CLASP2: variants seen among roughly 807,000 people sequenced by gnomAD.
CLASP2 encodes the protein CLIP-associating protein 2.
In CLASP2, 47 loss-of-function variants were observed where a neutral mutation model predicts 194.4. That is an observed-to-expected ratio of 0.24 (90% CI 0.19 to 0.31). The LOEUF (loss-of-function observed/expected upper bound fraction) is 0.31, where lower values mean the gene tolerates loss of function less well. CLASP2 is among the 10% of genes least tolerant of loss of function. The probability of loss-of-function intolerance (pLI) is 1.00; values close to 1 mark genes in which losing one functional copy is unlikely to be tolerated. For missense variants in CLASP2, 1,445 were observed against 1,823.6 expected (o/e 0.79, Z 3.78); for synonymous variants, 619 against 633.5 (o/e 0.98, Z 0.34).
chr3:33,604,317 T>TTTA, intron 16 of CLASP2, 108 bp from the exon 17 acceptor site: 1 of 776,412 alleles, frequency 1.3e-6, no homozygotes, highest in Non-Finnish European at 2.1e-6. Flanking sequence ...GTATTTCTTT[T>TTTA]TTCTTTTTTT....
chr3:33,645,344 C>T, intron 7 of CLASP2: 2 of 764,982 alleles, frequency 2.6e-6, no homozygotes, highest in Non-Finnish European at 4.8e-6. Context: ...TTTCCCTCAC[C>T]CTAGGAGGCT....
At chr3:33,524,981 A>C (rs2054123876) in intron 34 of CLASP2, among the ~76,000 whole-genome samples, 1 of 152,224 alleles carries the variant, frequency 6.6e-6, no homozygotes, top group Non-Finnish European at 1.5e-5. Context: ...CAACAGACAT[A>C]TATGGTGCAC....
chr3:33,580,894 T>C (rs2065917048), intron 23 of CLASP2, among the ~76,000 whole-genome samples: 1 of 150,598 alleles, frequency 6.6e-6, no homozygotes, highest in African/African-American at 2.4e-5. Context: ...CAGGCGCCTG[T>C]AGTCCCAGCT....
intron 32 of CLASP2, among the ~76,000 whole-genome samples, chr3:33,542,731 T>G (rs915484739): frequency 7.3e-5 from 11 of 151,706 alleles, no homozygotes; most frequent in African/African-American, 2.7e-4. Context: ...GTTATTTATA[T>G]GTTTTGTTTG....
intron 34 of CLASP2, among the ~76,000 whole-genome samples, chr3:33,526,056 G>T (rs934852904): frequency 9.2e-5 from 14 of 152,150 alleles, no homozygotes; most frequent in Non-Finnish European, 1.8e-4. Context: ...CCAAAGCGTG[G>T]GCAGGCTGCT....
At chr3:33,510,810 T>G in intron 36 of CLASP2, 46 bp from the exon 37 acceptor site, 5 of 1,459,754 alleles carry the variant, frequency 3.4e-6, no homozygotes, top group Non-Finnish European at 4.7e-6. Flanking sequence ...TTTAAAATAT[T>G]ACACTACATC....
chr3:33,676,065 C>T (rs2088554388), intron 6 of CLASP2, among the ~76,000 whole-genome samples: 1 of 152,170 alleles, frequency 6.6e-6, no homozygotes, highest in East Asian at 1.9e-4. Flanking sequence ...ACTTTCTTCA[C>T]AGACTTGGAA....
At chr3:33,659,991 CA>C (rs2085010961) in intron 7 of CLASP2, among the ~76,000 whole-genome samples, 7 of 152,158 alleles carry the variant, frequency 4.6e-5, no homozygotes, top group Admixed American at 4.6e-4. Flanking sequence ...CCTCCAAGAA[CA>C]ATTCTTTTCC....
chr3:33,547,277 T>C (rs183541590), intron 30 of CLASP2, among the ~76,000 whole-genome samples: 3 of 152,302 alleles, frequency 2.0e-5, no homozygotes, highest in African/African-American at 7.2e-5. Flanking sequence ...GATCTGATGA[T>C]TTGATAAGGG....
chr3:33,717,400 G>A (rs1489546050), intron 1 of CLASP2, among the ~76,000 whole-genome samples: 1 of 151,972 alleles, frequency 6.6e-6, no homozygotes, highest in Non-Finnish European at 1.5e-5. Context: ...TGGGGACGCG[G>A]GACCCCCCTG....
rs1277347011 is a variant in CLASP2 at position 33,584,913 on chromosome 3, G to A, written c.2076C>T (p.Ser692=). The A allele has an allele frequency of 6.2e-7, 1 of 1,609,890 alleles. No individual in the cohort carries two copies. Among genetic ancestry groups the A allele is most frequent in the South Asian group, 1.1e-5 (1 of 90,158 alleles). Residue 692 remains serine, a synonymous_variant, in exon 22 of 39, where the codon AGC becomes AGT. Coordinates refer to ENST00000682230, the MANE Select transcript of CLASP2 (RefSeq NM_001365631.1). Reference sequence around the variant, plus strand: ...GAACTCTTCCTGGAGACCCAGACCGGCTACCAGCTGAACACCAAACACATA... The same window carrying A: ...GAACTCTTCCTGGAGACCCAGACCGACTACCAGCTGAACACCAAACACATA... ...TKMVSQSQPG[S]RSGSPGRVLT... is the part of the protein sequence containing the mutation.
chr3:33,698,287 A>G (rs1346691803), intron 1 of CLASP2, among the ~76,000 whole-genome samples: 1 of 152,218 alleles, frequency 6.6e-6, no homozygotes, highest in Non-Finnish European at 1.5e-5. Flanking sequence ...GAGGAAAAAG[A>G]TAAAAAGCCT....
At chr3:33,650,589 G>C (rs2083011635) in intron 7 of CLASP2, among the ~76,000 whole-genome samples, 1 of 151,958 alleles carries the variant, frequency 6.6e-6, no homozygotes, top group Non-Finnish European at 1.5e-5. Context: ...TGGAAATAGA[G>C]AAGGAAGAGA....
At chr3:33,543,351 C>T (rs1175021491) in intron 32 of CLASP2, 82 bp downstream of exon 32, 18 of 945,672 alleles carry the variant, frequency 1.9e-5, no homozygotes, top group East Asian at 1.5e-4. Context: ...CCAGCCTGGG[C>T]GACAGAGCAA....
chr3:33,629,776 T>C (rs1036024176), intron 9 of CLASP2, among the ~76,000 whole-genome samples: 1 of 150,648 alleles, frequency 6.6e-6, no homozygotes, highest in Non-Finnish European at 1.5e-5. Context: ...AAAAAAATCA[T>C]TGCTTAATAC....
rs528555283 is a variant in CLASP2, at chr3:33,551,935, T to C, written c.3010-540A>G. Among the ~76,000 whole-genome samples the C allele has an allele frequency of 4.0e-5, 6 of 150,708 alleles. No individual in the cohort carries two copies. The East Asian group carries it at 9.8e-4, about 25-fold the overall frequency. On this transcript the variant is annotated intron_variant, in intron 29 of 38. Transcript: ENST00000682230. Reference sequence around the variant, plus strand: ...TCAAGGTAGCAATCAAGGTGGGCAATATAGTTTTTTTTTTTTTTTTTGGTA... The same window carrying C: ...TCAAGGTAGCAATCAAGGTGGGCAACATAGTTTTTTTTTTTTTTTTTGGTA...
intron 23 of CLASP2, among the ~76,000 whole-genome samples, chr3:33,577,829 C>A (rs2065219799): frequency 6.6e-6 from 1 of 152,156 alleles, no homozygotes; most frequent in Non-Finnish European, 1.5e-5. Flanking sequence ...CTAGCTAGCT[C>A]CTTCTAACAT....
chr3:33,512,954 G>T (rs559804065), intron 36 of CLASP2, among the ~76,000 whole-genome samples: 1 of 152,218 alleles, frequency 6.6e-6, no homozygotes, highest in African/African-American at 2.4e-5. Context: ...TCGTGCCACT[G>T]CACTCCAGCC....
At position 33,584,764 on chromosome 3, in the gene CLASP2, G is replaced by C. The variant is rs1391171236; in HGVS notation, c.2225C>G (p.Ser742Cys). The C allele has an allele frequency of 2.0e-6, 3 of 1,537,798 alleles. No individual in the cohort carries two copies. Among genetic ancestry groups the C allele is most frequent in the Non-Finnish European group, 2.6e-6 (3 of 1,138,386 alleles). ...AAAAATCTTACCCACTGAAAGCCTA[G>C]ATGGACTAGCCTCTCTGCTACAGCC... ...SQGCSREASP[S>C]RLSVARSSRI... Residue 742 changes from serine to cysteine, a missense_variant, in exon 22 of 39, where the codon TCT (serine) becomes TGT (cysteine). Ser to Cys is a moderately radical substitution (Grantham distance 112). Transcript: ENST00000682230.
Sources: gnomAD v4.1 joint callset for allele counts (sites outside exome capture counted in the v4.1 genomes callset) on GRCh38, gnomAD v4.1.1 for gene constraint, MANE v1.5 for transcripts, NCBI Gene and HGNC (gene_info 2026-07-23, HGNC 2026-07-21) for gene names.